Variants in KIAA1217 observed in about 807,000 individuals in gnomAD.
KIAA1217 encodes KIAA1217, also known as sickle tail protein homolog.
A neutral mutation model predicts 163.9 loss-of-function variants in KIAA1217; 88 were observed. The ratio of observed to expected loss-of-function variants is 0.54; its 90% confidence interval spans 0.45 to 0.64. KIAA1217 has a LOEUF of 0.64. Ranked by LOEUF, KIAA1217 falls within the 30% of genes least tolerant of loss-of-function variation. The probability of loss-of-function intolerance (pLI) is 0.00; values close to 1 mark genes in which losing one functional copy is unlikely to be tolerated. For synonymous variants in KIAA1217, 903 were observed against 923.1 expected, an observed-to-expected ratio of 0.98 and a Z score of 0.39; for missense variants, 2,372 against 2,475.0, an observed-to-expected ratio of 0.96 and a Z score of 0.88.
At chr10:23,872,797 T>A (rs1375442564) in intron 1 of KIAA1217, among the ~76,000 whole-genome samples, 3 of 152,072 alleles carry the variant, frequency 2.0e-5, no homozygotes, top group Non-Finnish European at 4.4e-5. Context: ...TATAAATTTA[T>A]ATACACTTAA....
intron 2 of KIAA1217, among the ~76,000 whole-genome samples, chr10:24,022,371 G>A (rs1046492994): frequency 2.0e-5 from 3 of 151,704 alleles, no homozygotes; most frequent in African/African-American, 7.3e-5. Context: ...AATACTATGT[G>A]TCATTAGGAA....
intron 2 of KIAA1217, among the ~76,000 whole-genome samples, chr10:24,104,696 T>C (rs1289237598): frequency 6.6e-6 from 1 of 152,228 alleles, no homozygotes; most frequent in Non-Finnish European, 1.5e-5. Flanking sequence ...TCGTTGATTG[T>C]AATAAATGTA....
At chr10:24,103,829 A>C (rs562766011) in intron 2 of KIAA1217, among the ~76,000 whole-genome samples, 1 of 152,354 alleles carries the variant, frequency 6.6e-6, no homozygotes, top group South Asian at 2.1e-4. Flanking sequence ...ACTTTCAAGC[A>C]ACAGTAATCA....
intron 2 of KIAA1217, among the ~76,000 whole-genome samples, chr10:24,236,022 T>C (rs1458354470): frequency 6.6e-6 from 1 of 152,190 alleles, no homozygotes; most frequent in Non-Finnish European, 1.5e-5. Flanking sequence ...CAACACTTAA[T>C]AGCCATGTAA....
At chr10:24,261,582 T>A (rs1022446525) in intron 2 of KIAA1217, among the ~76,000 whole-genome samples, 2 of 151,806 alleles carry the variant, frequency 1.3e-5, no homozygotes, top group Non-Finnish European at 2.9e-5. Flanking sequence ...TGGAAATAGG[T>A]CCTGAGTTCT....
chr10:24,501,631 A>G, intron 9 of KIAA1217, 86 bp downstream of exon 9: 1 of 1,260,684 alleles, frequency 7.9e-7, no homozygotes, highest in Non-Finnish European at 1.1e-6. Flanking sequence ...GAAGACCTAG[A>G]GAATGTAGAA....
At chr10:23,772,715 G>A (rs1405682894) in intron 1 of KIAA1217, among the ~76,000 whole-genome samples, 2 of 152,180 alleles carry the variant, frequency 1.3e-5, no homozygotes, top group Non-Finnish European at 2.9e-5. Flanking sequence ...AAAGGAAAAT[G>A]CCAGCAATTT....
chr10:24,195,169 C>T (rs370842727), intron 2 of KIAA1217, among the ~76,000 whole-genome samples: 15 of 152,240 alleles, frequency 9.9e-5, no homozygotes, highest in African/African-American at 3.1e-4. Context: ...TCCTTCAGGC[C>T]TAGGAGAAGT....
At chr10:23,916,408 G>A (rs1222545800) in intron 1 of KIAA1217, among the ~76,000 whole-genome samples, 2 of 152,074 alleles carry the variant, frequency 1.3e-5, no homozygotes, top group Non-Finnish European at 2.9e-5. Context: ...TTCCTTTTCT[G>A]CAATCCCACC....
At chr10:24,339,717 A>T (rs2046824326) in intron 2 of KIAA1217, among the ~76,000 whole-genome samples, 1 of 152,230 alleles carries the variant, frequency 6.6e-6, no homozygotes, top group African/African-American at 2.4e-5. Flanking sequence ...ATAGCACATT[A>T]AGAAAGTTCT....
At chr10:23,776,593 A>G (rs1437009022) in intron 1 of KIAA1217, among the ~76,000 whole-genome samples, 2 of 150,854 alleles carry the variant, frequency 1.3e-5, no homozygotes, top group African/African-American at 4.9e-5. Flanking sequence ...AATAAATTCT[A>G]TTATTTTTAA....
intron 2 of KIAA1217, among the ~76,000 whole-genome samples, chr10:24,262,762 T>C (rs2075850088): frequency 6.6e-6 from 1 of 151,876 alleles, no homozygotes; most frequent in Non-Finnish European, 1.5e-5. Context: ...CTGGCCAACA[T>C]GGCGAAACCT....
In KIAA1217 at chr10:23,934,606, T is replaced by TAC. The variant is rs1491195575; in HGVS notation, c.-320-72619_-320-72618insAC. On this transcript the variant is annotated intron_variant, in intron 1 of 18. Coordinates refer to the KIAA1217 transcript ENST00000376462. ...ATATATATATGTATATATATATATA[T>TAC]GTATATATATATATATATATTTTTT... Among the ~76,000 whole-genome samples the TAC allele has an allele frequency of 3.9e-4, 30 of 76,280 alleles. 3 individuals carry two copies. The African/African-American group carries it at 4.0e-3, about 10-fold the overall frequency. The allele number at this position is 76,280 out of a possible 152,430, so 50.0% of individuals were successfully genotyped here. A position where few individuals can be genotyped will look rare whatever the true frequency, so the allele number is the denominator to read the frequency against.
intron 1 of KIAA1217, among the ~76,000 whole-genome samples, chr10:23,879,538 C>T (rs1459479595): frequency 6.6e-6 from 1 of 151,824 alleles, no homozygotes; most frequent in African/African-American, 2.4e-5. Flanking sequence ...TGAGAATTGA[C>T]CATTGGATTT....
intron 2 of KIAA1217, among the ~76,000 whole-genome samples, chr10:24,355,126 G>A (rs2048922009): frequency 6.6e-6 from 1 of 152,200 alleles, no homozygotes; most frequent in South Asian, 2.1e-4. Flanking sequence ...AGGTGACACA[G>A]ACTGGTGAGG....
intron 2 of KIAA1217, among the ~76,000 whole-genome samples, chr10:24,046,582 G>A (rs1212667011): frequency 6.6e-6 from 1 of 152,118 alleles, no homozygotes; most frequent in Non-Finnish European, 1.5e-5. Context: ...GAGCGAAGGA[G>A]GAAGTGCCAC....
At chr10:23,728,382 T>C (rs1006737737) in intron 1 of KIAA1217, among the ~76,000 whole-genome samples, 33 of 152,352 alleles carry the variant, frequency 2.2e-4, no homozygotes, top group Non-Finnish European at 4.3e-4. Context: ...TGGTATCTCA[T>C]TGTGGTTTTG....
At chr10:23,926,300 A>G (rs1256963895) in intron 1 of KIAA1217, among the ~76,000 whole-genome samples, 2 of 152,262 alleles carry the variant, frequency 1.3e-5, no homozygotes, top group Non-Finnish European at 2.9e-5. Flanking sequence ...AACAGAAGTC[A>G]AGAAAAGTCT....
chr10:24,264,667 A>G (rs1201547584), intron 2 of KIAA1217, among the ~76,000 whole-genome samples: 1 of 152,122 alleles, frequency 6.6e-6, no homozygotes, highest in African/African-American at 2.4e-5. Context: ...ATTTGTAAAG[A>G]AACAGGGAAA....
Sources: allele counts gnomAD v4.1 joint callset (sites outside exome capture counted in the v4.1 genomes callset), GRCh38; gene constraint gnomAD v4.1.1; transcripts MANE v1.5; gene names NCBI Gene and HGNC (gene_info 2026-07-23, HGNC 2026-07-21).